The following KIAA1191 variants were observed in gnomAD, a reference collection of about 807,000 sequenced individuals.
KIAA1191 encodes the protein KIAA1191.
Under a neutral mutation model 31.1 loss-of-function variants are expected in KIAA1191, and 22 were observed. That is an observed-to-expected ratio of 0.71 (90% confidence interval 0.51 to 1.01). The LOEUF is 1.01. KIAA1191 is among the 50% of genes least tolerant of loss of function. The pLI, the probability that KIAA1191 is intolerant of heterozygous loss-of-function variation, is 0.00. For missense variants in KIAA1191, 319 were observed against 388.0 expected (o/e 0.82, Z 1.49); for synonymous variants, 130 against 143.9 (o/e 0.90, Z 0.69).
At chr5:176,356,034 C>A in intron 3 of KIAA1191, 1 of 354,754 alleles carries the variant, frequency 2.8e-6, no homozygotes, top group Non-Finnish European at 5.2e-6. Flanking sequence ...AGTGCAGCGG[C>A]ACGATCACGG....
At chr5:176,352,393 T>C (rs1223960909) in intron 5 of KIAA1191, among the ~76,000 whole-genome samples, 1 of 152,138 alleles carries the variant, frequency 6.6e-6, no homozygotes, top group Non-Finnish European at 1.5e-5. Flanking sequence ...TGAGATCATA[T>C]CAACAAAGCA....
At position 176,347,636 on chromosome 5, in the gene KIAA1191, G is replaced by A. The variant is rs1391841523; in HGVS notation, c.882C>T (p.Pro294=). 3.9e-6 allele frequency: 6 copies of A among 1,539,162 alleles called. No individual in the cohort carries two copies. In the East Asian group the frequency reaches 1.1e-4, roughly 29 times the overall value. Residue 294 remains proline (P), a synonymous_variant, in exon 9 of 9, where the codon CCC becomes CCT. Transcript: ENST00000298569. The part of the protein sequence containing the change: ...KQPPRAHNLK[P]RDLNVLTPTG... ...TGGGTGTGAGCACATTCAGGTCACG[G>A]GGTTTGAGGTTATGGGCCCGTGGTG...
rs771953636 is a variant in KIAA1191, at chr5:176,352,748, C to G, written c.208G>C (p.Val70Leu). The change falls in exon 5 of 9, where the codon GTG becomes CTG. Residue 70 changes from valine (V) to leucine (L), a missense_variant and splice_region_variant. By Grantham distance (32) the Val-to-Leu change is conservative (BLOSUM62 1). Transcript: ENST00000298569. The stretch of plus-strand genomic sequence containing the variant: ...GGTAGACTGGCCTCTCCTTCCTCCA[C>G]CTGTTCAAGAGAGGTACAGTACAGA... ...PERKYQHLAK[V>L]EEGEASLPSP... The G allele has an allele frequency of 9.3e-6, 15 of 1,612,954 alleles. No individual in the cohort carries two copies. The highest frequency in any genetic ancestry group is 1.0e-5 in the Non-Finnish European group (12 of 1,179,466).
intron 6 of KIAA1191, 130 bp downstream of exon 6, chr5:176,350,483 G>T (rs1390982176): frequency 8.6e-7 from 1 of 1,163,984 alleles, no homozygotes; most frequent in Non-Finnish European, 1.2e-6. Flanking sequence ...AAAACTACGA[G>T]GCTAAGAGCT....
At chr5:176,350,879 G>T in intron 5 of KIAA1191, 142 bp from the exon 6 acceptor site, 1 of 1,000,452 alleles carries the variant, frequency 1.0e-6, no homozygotes, top group Non-Finnish European at 1.4e-6. Flanking sequence ...CCCCAGAGAG[G>T]CACCACAGCA....
chr5:176,347,806 T>G lies in KIAA1191; in HGVS notation c.712A>C (p.Ser238Arg). 6.2e-7 allele frequency: 1 copy of G among 1,600,396 alleles called. No homozygotes were observed. The highest frequency in any genetic ancestry group is 8.5e-7 in the Non-Finnish European group (1 of 1,173,166). Residue 238 changes from serine to arginine, a missense_variant and splice_region_variant, in exon 9 of 9, where the codon AGT becomes CGT. By Grantham distance (110) the Ser-to-Arg change is moderately radical (BLOSUM62 -1). Transcript: ENST00000298569. ...PRSLQKYDSG[S>R]FATQAYRGAQ... ...CCTCGGTAGGCCTGGGTGGCAAAAC[T>G]TCCTACAAAAGTGAACCAGAGTGCA...
At chr5:176,350,352 T>C (rs1427786108) in intron 6 of KIAA1191, among the ~76,000 whole-genome samples, 1 of 152,210 alleles carries the variant, frequency 6.6e-6, no homozygotes, top group Non-Finnish European at 1.5e-5. Flanking sequence ...CTCCCCAAGA[T>C]ACTCCACATT....
Position 176,348,353 on chromosome 5 carries a change from G to T in KIAA1191, c.463C>A (p.Leu155Ile), listed in dbSNP as rs1178851980. Reference protein sequence around the residue: ...YLRVAEALHKLKLQSGEVTKE... With the variant: ...YLRVAEALHKIKLQSGEVTKE... ...GTTACCTCTCCACTCTGTAACTTTA[G>T]TTTCTGCTCAGATGGGTAAGAAGAG... Residue 155 changes from leucine to isoleucine, a missense_variant, in exon 7 of 9, where the codon CTA becomes ATA. Coordinates refer to ENST00000298569, the MANE Select transcript of KIAA1191 (RefSeq NM_020444.5). 17 of 1,611,952 alleles carry T rather than the reference G, an allele frequency of 1.1e-5. No homozygotes were observed. Among genetic ancestry groups the T allele is most frequent in the Non-Finnish European group, 1.4e-5 (17 of 1,178,614 alleles).
chr5:176,354,819 G>A (rs558472502), intron 4 of KIAA1191, among the ~76,000 whole-genome samples: 211 of 152,328 alleles, frequency 1.4e-3, no homozygotes, highest in African/African-American at 4.7e-3. Context: ...AAGCAATGCA[G>A]GGATGACGAC....
rs561424532 is a variant in KIAA1191, at chr5:176,346,669, C to A, written c.*931G>T. ...CATAGAAAGAGGAGCATGCCTCCTCCGGCACTGGCCTAAGAGGCCCCACAT... is the reference window on the plus strand; with the variant it reads ...CATAGAAAGAGGAGCATGCCTCCTCAGGCACTGGCCTAAGAGGCCCCACAT... On this transcript the variant is annotated 3_prime_UTR_variant, in exon 9 of 9. Coordinates refer to ENST00000298569, the MANE Select transcript of KIAA1191 (RefSeq NM_020444.5). 127 of 152,338 alleles carry A rather than the reference C, an allele frequency of 8.3e-4. No homozygotes were observed. Among genetic ancestry groups the A allele is most frequent in the African/African-American group, 3.0e-3 (124 of 41,568 alleles). 9.4% of individuals were successfully genotyped at this position (152,338 alleles called of 1,614,324 possible). A position where few individuals can be genotyped will look rare whatever the true frequency, so the allele number is the denominator to read the frequency against.
In KIAA1191 at chr5:176,346,581, A is replaced by C. The variant is rs539222134; in HGVS notation, c.*1019T>G. ...CTTAGGAAGTTTTTAACCAAATTAC[A>C]GCTAAATTAATCTCACTTTAAAGTG... On this transcript the variant is annotated 3_prime_UTR_variant, in exon 9 of 9. Coordinates refer to ENST00000298569, the MANE Select transcript of KIAA1191 (RefSeq NM_020444.5). 1.7e-4 allele frequency: 26 copies of C among 152,400 alleles called. No individual in the cohort carries two copies. Among genetic ancestry groups the C allele is most frequent in the African/African-American group, 6.2e-4 (26 of 41,602 alleles). 9.4% of individuals were successfully genotyped at this position (152,400 alleles called of 1,614,324 possible).
chr5:176,358,768 A>G (rs917457824), intron 3 of KIAA1191, among the ~76,000 whole-genome samples: 1 of 152,070 alleles, frequency 6.6e-6, no homozygotes, highest in Non-Finnish European at 1.5e-5. Context: ...ACACTTTGGG[A>G]GGCCGAGGCA....
chr5:176,356,052 C>A, intron 3 of KIAA1191: 1 of 318,896 alleles, frequency 3.1e-6, no homozygotes, highest in Non-Finnish European at 5.9e-6. Context: ...CGGCTCACTG[C>A]AGGCTCAACC....
In KIAA1191 at chr5:176,355,473, G is replaced by T. The variant is rs1270543273; in HGVS notation, c.207+98C>A. On this transcript the variant is annotated intron_variant, in intron 4 of 8. Coordinates refer to ENST00000298569, the MANE Select transcript of KIAA1191 (RefSeq NM_020444.5). The surrounding 1 kb of genome is among the most constrained non-coding windows in gnomAD (Gnocchi z 4.2). ...AAAACACATACAGGGAGTGGTTGCT[G>T]CCCAGTCCCATGGGCACAGGGAGCC... 1 of 1,114,112 alleles carries T rather than the reference G, an allele frequency of 9.0e-7. No individual in the cohort carries two copies. The highest frequency in any genetic ancestry group is 1.3e-6 in the Non-Finnish European group (1 of 762,522). 69.0% of individuals were successfully genotyped at this position (1,114,112 alleles called of 1,614,324 possible).
intron 5 of KIAA1191, among the ~76,000 whole-genome samples, chr5:176,352,252 C>T (rs2113478440): frequency 1.3e-5 from 2 of 152,102 alleles, no homozygotes; most frequent in Middle Eastern, 6.8e-3. Flanking sequence ...GTAACAGCAG[C>T]AGCTGCCGCC....
At chr5:176,360,444 C>G (rs1037461006) in intron 1 of KIAA1191, among the ~76,000 whole-genome samples, 1 of 151,890 alleles carries the variant, frequency 6.6e-6, no homozygotes, top group Admixed American at 6.5e-5. Flanking sequence ...GCGTGAGCCA[C>G]CGCGCCCGAC....
chr5:176,355,496 G>T lies in KIAA1191; in HGVS notation c.207+75C>A. 2 of 1,420,018 alleles carry T rather than the reference G, an allele frequency of 1.4e-6. No individual in the cohort carries two copies. Among genetic ancestry groups the T allele is most frequent in the Non-Finnish European group, 1.9e-6 (2 of 1,028,436 alleles). The allele number at this position is 1,420,018 out of a possible 1,614,324, so 88.0% of individuals were successfully genotyped here. On this transcript the variant is annotated intron_variant, in intron 4 of 8. Transcript: ENST00000298569. The surrounding 1 kb of genome is among the most constrained non-coding windows in gnomAD (Gnocchi z 4.2). ...CTGCCCAGTCCCATGGGCACAGGGA[G>T]CCACTGAAGGCTTCTGGAGCAGAGG...
At chr5:176,350,231 C>G (rs1321593834) in intron 6 of KIAA1191, among the ~76,000 whole-genome samples, 1 of 152,218 alleles carries the variant, frequency 6.6e-6, no homozygotes. Context: ...TTAACCCTTA[C>G]CAAAATTCTT....
chr5:176,361,493 G>A lies in KIAA1191; in HGVS notation c.-168+109C>T, dbSNP rs1211412119. ...GATGAAGGGTTAAGAGGTGCGGGGAGAGGGGAGTGGCTTGGAGGGGCCCCG... is the reference window on the plus strand; with the variant it reads ...GATGAAGGGTTAAGAGGTGCGGGGAAAGGGGAGTGGCTTGGAGGGGCCCCG... On this transcript the variant is annotated intron_variant, in intron 1 of 8. Coordinates refer to ENST00000298569, the MANE Select transcript of KIAA1191 (RefSeq NM_020444.5). This position sits in a 1 kb window ranked among gnomAD's most constrained non-coding sequence, Gnocchi z 4.0. 1 of 152,444 alleles carries A rather than the reference G, an allele frequency of 6.6e-6. No homozygotes were observed. The highest frequency in any genetic ancestry group is 1.5e-5 in the Non-Finnish European group (1 of 68,194). 9.4% of individuals were successfully genotyped at this position (152,444 alleles called of 1,614,324 possible).
Sources: gnomAD v4.1 joint callset for allele counts (sites outside exome capture counted in the v4.1 genomes callset) on GRCh38, gnomAD v4.1.1 for gene constraint, Gnocchi (gnomAD v3.1) non-coding constraint, MANE v1.5 for transcripts, NCBI Gene and HGNC (gene_info 2026-07-23, HGNC 2026-07-21) for gene names.